The following MYO9A variants were observed in gnomAD, a reference collection of about 807,000 sequenced individuals.
The protein encoded by MYO9A is myosin IXA.
A neutral mutation model predicts 293.3 loss-of-function variants in MYO9A; 103 were observed. That is an observed-to-expected ratio of 0.35 (90% confidence interval 0.30 to 0.41). MYO9A has a LOEUF of 0.41. Ranked by LOEUF, MYO9A falls within the 10% of genes least tolerant of loss-of-function variation. The probability of loss-of-function intolerance (pLI) is 1.00; values close to 1 mark genes in which losing one functional copy is unlikely to be tolerated. For synonymous variants in MYO9A, 1,001 were observed against 1,035.7 expected (o/e 0.97, Z 0.64); for missense variants, 2,685 against 3,033.0 (o/e 0.89, Z 2.69).
At chr15:72,102,326 G>A (rs113549986) in intron 1 of MYO9A, among the ~76,000 whole-genome samples, 1 of 150,868 alleles carries the variant, frequency 6.6e-6, no homozygotes, top group African/African-American at 2.4e-5. Context: ...CTAATCTCAA[G>A]TACCCAGGGA....
At position 71,838,007 on chromosome 15, in the gene MYO9A, G is replaced by A. The variant is rs114711840; in HGVS notation, c.6838-7696C>T. ...CATGTTCACTGTATATTCTCTTGTA[G>A]TGTTTTTTTCCATAATTGTTTTTCT... On this transcript the variant is annotated intron_variant, in intron 39 of 41. Coordinates refer to ENST00000356056, the MANE Select transcript of MYO9A (RefSeq NM_006901.4). Among the ~76,000 whole-genome samples the A allele has an allele frequency of 8.7e-3, 1,324 of 152,050 alleles. 24 individuals carry two copies. Among genetic ancestry groups the A allele is most frequent in the African/African-American group, 0.03 (1,259 of 41,512 alleles).
At chr15:71,971,325 A>G (rs2076005255) in intron 12 of MYO9A, among the ~76,000 whole-genome samples, 2 of 151,904 alleles carry the variant, frequency 1.3e-5, no homozygotes, top group Admixed American at 1.3e-4. Flanking sequence ...TGATTCTCAT[A>G]TGTAATCCCA....
intron 19 of MYO9A, among the ~76,000 whole-genome samples, chr15:71,910,168 G>GTGTATATATATA (rs56277057): frequency 1.2e-3 from 150 of 128,298 alleles, no homozygotes; most frequent in African/African-American, 3.3e-3. Context: ...ATATATACGT[G>GTGTATATATATA]TATATATATA....
chr15:72,097,685 G>A (rs917538262), intron 1 of MYO9A, among the ~76,000 whole-genome samples: 9 of 152,102 alleles, frequency 5.9e-5, no homozygotes, highest in Non-Finnish European at 1.0e-4. Flanking sequence ...CAAGGTGGGC[G>A]GATCATGAGG....
At chr15:71,876,625 G>A (rs970489184) in intron 31 of MYO9A, among the ~76,000 whole-genome samples, 1 of 150,716 alleles carries the variant, frequency 6.6e-6, no homozygotes, top group African/African-American at 2.4e-5. Context: ...TAGTAGAGAC[G>A]GGGTTTCACT....
At chr15:71,896,513 C>T in intron 25 of MYO9A, among the ~76,000 whole-genome samples, 1 of 152,146 alleles carries the variant, frequency 6.6e-6, no homozygotes, top group East Asian at 1.9e-4. Flanking sequence ...GGTGCGGTGG[C>T]TCACACCTGT....
At position 71,854,548 on chromosome 15, in the gene MYO9A, G is replaced by A. The variant is rs1038499449; in HGVS notation, c.6175C>T (p.Arg2059Ter). 3 of 1,603,706 alleles carry A rather than the reference G, an allele frequency of 1.9e-6. No homozygotes were observed. The highest frequency in any genetic ancestry group is 1.7e-5 in the Admixed American group (1 of 57,832). The stretch of plus-strand genomic sequence containing the variant: ...CGGGACAGTTCAACCCCAAATTGTC[G>A]AGATGACAGCTCTGGATCATACTAA... ...SKKYDPELSS[R>*]QFGVELSRLT... is the part of the protein sequence containing the mutation. The change falls in exon 35 of 42, where the codon CGA becomes TGA. Residue 2059 changes from arginine (R) to a stop codon, truncating the protein, a stop_gained. Coordinates refer to ENST00000356056, the MANE Select transcript of MYO9A (RefSeq NM_006901.4). LOFTEE classifies it high-confidence loss of function.
rs113547380 is a variant in MYO9A, at chr15:72,027,699, C to T, written c.998+32G>A. 1.6e-5 allele frequency: 24 copies of T among 1,537,994 alleles called. 1 individual carries two copies. In the African/African-American group the frequency reaches 1.8e-4, roughly 12 times the overall value. ...TCAGTCTGCGTGATACAAATGTTAA[C>T]TTCATCTAATTACACAAATAAAAAT... is the stretch of plus-strand genomic sequence containing the variant. On this transcript the variant is annotated intron_variant, in intron 4 of 41. Coordinates refer to ENST00000356056, the MANE Select transcript of MYO9A (RefSeq NM_006901.4).
chr15:71,903,832 G>T (rs1194698540), intron 21 of MYO9A, 97 bp downstream of exon 21: 5 of 1,056,342 alleles, frequency 4.7e-6, no homozygotes, highest in Non-Finnish European at 6.9e-6. Flanking sequence ...GAAGAATTAA[G>T]GAAAATAAGT....
At chr15:71,916,166 C>G (rs1198449831) in intron 19 of MYO9A, among the ~76,000 whole-genome samples, 7 of 151,960 alleles carry the variant, frequency 4.6e-5, no homozygotes, top group Non-Finnish European at 1.0e-4. Flanking sequence ...TATCCATTAT[C>G]CAGACATATG....
intron 4 of MYO9A, 71 bp downstream of exon 4, chr15:72,027,660 A>G (rs1299388777): frequency 2.5e-6 from 3 of 1,179,668 alleles, no homozygotes; most frequent in Non-Finnish European, 3.7e-6. Flanking sequence ...CATAATACAC[A>G]AAGACCTTAA....
At chr15:72,101,626 A>G (rs1212037182) in intron 1 of MYO9A, among the ~76,000 whole-genome samples, 3 of 93,122 alleles carry the variant, frequency 3.2e-5, no homozygotes, top group Admixed American at 1.2e-4. Context: ...CAGCCGCCCC[A>G]TCCAGGAGGG....
chr15:71,880,622 C>G, intron 28 of MYO9A, 64 bp from the exon 29 acceptor site: 1 of 1,381,790 alleles, frequency 7.2e-7, no homozygotes. Flanking sequence ...ATCTTCACAT[C>G]CTTCTTTTTA....
chr15:71,909,759 T>C (rs1029323655), intron 19 of MYO9A, among the ~76,000 whole-genome samples: 2 of 152,098 alleles, frequency 1.3e-5, no homozygotes, highest in African/African-American at 4.8e-5. Context: ...TATAGACCCC[T>C]GTTACTGTTG....
chr15:72,051,320 C>T (rs755601543), intron 1 of MYO9A, among the ~76,000 whole-genome samples: 2 of 152,182 alleles, frequency 1.3e-5, no homozygotes, highest in Non-Finnish European at 2.9e-5. Flanking sequence ...CAGCAGAAGC[C>T]AGGAACAGGT....
At chr15:71,830,353 G>C (rs1459624284) in intron 39 of MYO9A, 42 bp from the exon 40 acceptor site, 3 of 1,568,142 alleles carry the variant, frequency 1.9e-6, no homozygotes, top group Admixed American at 1.7e-5. Context: ...TTGAGTGACT[G>C]CATCAGTTTT....
At chr15:71,892,795 C>T in intron 26 of MYO9A, 1 of 273,396 alleles carries the variant, frequency 3.7e-6, no homozygotes, top group South Asian at 5.5e-5. Context: ...TTTAAAGTGC[C>T]CTTTATTTGA....
Position 71,826,012 on chromosome 15 carries a change from TTTTTTTTTTG to T in MYO9A, c.*558_*567del, listed in dbSNP as rs2054479229. The T allele has an allele frequency of 1.4e-5, 2 of 140,134 alleles. No homozygotes were observed. Among genetic ancestry groups the T allele is most frequent in the Non-Finnish European group, 3.1e-5 (2 of 64,926 alleles). The allele number at this position is 140,134 out of a possible 1,614,324, so 8.7% of individuals were successfully genotyped here. Reference sequence around the variant, plus strand: ...TTTTTTTTGTTTTTTTTTTTTTGTTTTTTTTTTTTGTTTTTGCTTTCCCCAGAATATAACA... The same window carrying T: ...TTTTTTTTGTTTTTTTTTTTTTGTTTTTTTTGCTTTCCCCAGAATATAACA... On this transcript the variant is annotated 3_prime_UTR_variant, in exon 42 of 42. Coordinates refer to ENST00000356056, the MANE Select transcript of MYO9A (RefSeq NM_006901.4).
chr15:71,944,538 T>C (rs1354925768), intron 15 of MYO9A, among the ~76,000 whole-genome samples: 1 of 152,182 alleles, frequency 6.6e-6, no homozygotes, highest in African/African-American at 2.4e-5. Flanking sequence ...ATGTATGATA[T>C]AAGGGTCAAA....
Sources: allele counts gnomAD v4.1 joint callset (sites outside exome capture counted in the v4.1 genomes callset), GRCh38; gene constraint gnomAD v4.1.1; transcripts MANE v1.5; gene names NCBI Gene and HGNC (gene_info 2026-07-23, HGNC 2026-07-21).